GRID2: variants seen among roughly 807,000 people sequenced by gnomAD.
The protein encoded by GRID2 is glutamate ionotropic receptor delta type subunit 2, also known as glutamate receptor ionotropic, delta-2.
A neutral mutation model predicts 114.8 loss-of-function variants in GRID2; 33 were observed. That is an observed-to-expected ratio of 0.29 (90% CI 0.22 to 0.38). The LOEUF (loss-of-function observed/expected upper bound fraction) is 0.38, where lower values mean the gene tolerates loss of function less well. Among genes scored for constraint, GRID2 ranks in the 10% least tolerant of loss-of-function variants. GRID2 has a pLI of 1.00. For synonymous variants in GRID2, 505 were observed against 449.9 expected (o/e 1.12, Z -1.55); for missense variants, 1,184 against 1,257.7 (o/e 0.94, Z 0.89).
intron 13 of GRID2, among the ~76,000 whole-genome samples, chr4:93,558,558 G>A (rs1008610763): frequency 6.6e-6 from 1 of 152,034 alleles, no homozygotes; most frequent in Admixed American, 6.6e-5. Flanking sequence ...CCCTGAATAG[G>A]CCAATAGTAA....
intron 2 of GRID2, among the ~76,000 whole-genome samples, chr4:92,933,295 T>C (rs1270061885): frequency 6.6e-6 from 1 of 151,234 alleles, no homozygotes; most frequent in East Asian, 1.9e-4. Context: ...GTGTAAGATA[T>C]TAGGAGAAGT....
chr4:93,363,842 T>A (rs961214125), intron 8 of GRID2, among the ~76,000 whole-genome samples: 10 of 151,788 alleles, frequency 6.6e-5, no homozygotes, highest in Admixed American at 2.0e-4. Context: ...TAATAGAAAA[T>A]ATATGTATAT....
chr4:92,907,585 A>G (rs1251791469), intron 2 of GRID2, among the ~76,000 whole-genome samples: 1 of 151,728 alleles, frequency 6.6e-6, no homozygotes, highest in African/African-American at 2.4e-5. Context: ...CTAATTTTGT[A>G]TTTTTAGTAG....
intron 2 of GRID2, among the ~76,000 whole-genome samples, chr4:92,875,047 T>C (rs1745520623): frequency 6.6e-6 from 1 of 152,072 alleles, no homozygotes; most frequent in Admixed American, 6.6e-5. Flanking sequence ...TGGACTTTAT[T>C]AGATGTAAAT....
chr4:92,346,548 G>A (rs1388449749), intron 1 of GRID2, among the ~76,000 whole-genome samples: 2 of 151,872 alleles, frequency 1.3e-5, no homozygotes, highest in East Asian at 1.9e-4. Context: ...GTGTTTTTCT[G>A]TGGAAATGGA....
intron 9 of GRID2, among the ~76,000 whole-genome samples, chr4:93,419,519 A>G (rs1334124216): frequency 6.6e-6 from 1 of 152,086 alleles, no homozygotes; most frequent in Non-Finnish European, 1.5e-5. Context: ...GTTAGAATTT[A>G]TGAGTAATGG....
chr4:93,156,860 A>C (rs765530618), intron 4 of GRID2, among the ~76,000 whole-genome samples: 2 of 151,716 alleles, frequency 1.3e-5, no homozygotes, highest in African/African-American at 4.8e-5. Context: ...AAGATGATCC[A>C]GGAAGCAAGT....
Position 92,713,185 on chromosome 4 carries a change from A to G in GRID2, c.244+122899A>G, listed in dbSNP as rs550342165. Among the ~76,000 whole-genome samples, 39 of 149,982 alleles carry G rather than the reference A, an allele frequency of 2.6e-4. No individual in the cohort carries two copies. In the South Asian group the frequency reaches 8.2e-3, roughly 32 times the overall value. On this transcript the variant is annotated intron_variant, in intron 2 of 15. Transcript: ENST00000282020. ...CAACAGGCCCCGGTATGTGATGTTC[A>G]TAGGTGGGAATTGAACAATGACTTG...
At chr4:92,307,682 C>CA (rs1301981111) in intron 1 of GRID2, among the ~76,000 whole-genome samples, 2 of 152,004 alleles carry the variant, frequency 1.3e-5, no homozygotes, top group East Asian at 1.9e-4. Flanking sequence ...TTATTTTAGT[C>CA]AAAAATGCAC....
intron 8 of GRID2, among the ~76,000 whole-genome samples, chr4:93,335,660 T>G (rs893881112): frequency 6.6e-6 from 1 of 150,572 alleles, no homozygotes; most frequent in Non-Finnish European, 1.5e-5. Context: ...GTGTTTTGCT[T>G]CTTGTTTTTT....
intron 1 of GRID2, among the ~76,000 whole-genome samples, chr4:92,366,198 C>T (rs1014937194): frequency 1.2e-4 from 19 of 152,052 alleles, no homozygotes; most frequent in African/African-American, 4.6e-4. Flanking sequence ...TTTATATCCC[C>T]ACTATCAAGA....
At chr4:93,616,218 G>A (rs1272877129) in intron 13 of GRID2, among the ~76,000 whole-genome samples, 1 of 152,046 alleles carries the variant, frequency 6.6e-6, no homozygotes, top group Non-Finnish European at 1.5e-5. Flanking sequence ...TCATTTTGCA[G>A]GTAAGATCTT....
intron 2 of GRID2, among the ~76,000 whole-genome samples, chr4:92,957,848 C>T (rs1752520051): frequency 6.6e-6 from 1 of 151,840 alleles, no homozygotes; most frequent in Admixed American, 6.6e-5. Context: ...TTGTAGTTTT[C>T]CTCATATAGA....
chr4:92,527,849 C>T (rs1190532831), intron 1 of GRID2, among the ~76,000 whole-genome samples: 1 of 151,742 alleles, frequency 6.6e-6, no homozygotes, highest in African/African-American at 2.4e-5. Context: ...AACATTTTTC[C>T]ATTTTATGTG....
intron 10 of GRID2, among the ~76,000 whole-genome samples, chr4:93,437,356 A>G (rs146471444): frequency 0.011 from 1,647 of 152,094 alleles, 19 homozygotes; most frequent in South Asian, 0.052. Context: ...CCAGCATCCA[A>G]GTGCTTAACT....
intron 2 of GRID2, among the ~76,000 whole-genome samples, chr4:92,649,390 G>A (rs1731814862): frequency 6.6e-6 from 1 of 150,718 alleles, no homozygotes; most frequent in Admixed American, 6.6e-5. Context: ...CTAATACCAG[G>A]AGAAATGATA....
chr4:93,523,816 A>G lies in GRID2; in HGVS notation c.2193+8405A>G, dbSNP rs867052719. Among the ~76,000 whole-genome samples, 12 of 152,252 alleles carry G rather than the reference A, an allele frequency of 7.9e-5. No individual in the cohort carries two copies. The Middle Eastern group carries it at 0.01, about 129-fold the overall frequency. ...GGCTGGGAAAGATAGCAGCTGATGC[A>G]TGCTAGACTTAAGGATGAAGCAGCT... On this transcript the variant is annotated intron_variant, in intron 13 of 15. Coordinates refer to ENST00000282020, the MANE Select transcript of GRID2 (RefSeq NM_001510.4).
At position 92,691,880 on chromosome 4, in the gene GRID2, A is replaced by AAATAGTATTTGTTCCTCAACAAACACATT. The variant is rs1299424826; in HGVS notation, c.244+101595_244+101623dup. On this transcript the variant is annotated intron_variant, in intron 2 of 15. Coordinates refer to ENST00000282020, the MANE Select transcript of GRID2 (RefSeq NM_001510.4). ...TTTTATAACCATTATATTTTGAGGC[A>AAATAGTATTTGTTCCTCAACAAACACATT]AATAGTATTTGTTCCTCAACAAACA... Among the ~76,000 whole-genome samples the AAATAGTATTTGTTCCTCAACAAACACATT allele has an allele frequency of 1.4e-3, 210 of 152,320 alleles. 1 individual carries two copies. Among genetic ancestry groups the AAATAGTATTTGTTCCTCAACAAACACATT allele is most frequent in the African/African-American group, 4.9e-3 (204 of 41,562 alleles).
intron 2 of GRID2, among the ~76,000 whole-genome samples, chr4:93,022,469 A>C (rs926278383): frequency 6.6e-6 from 1 of 151,964 alleles, no homozygotes; most frequent in Non-Finnish European, 1.5e-5. Flanking sequence ...CAAGCTCGCT[A>C]TTATGAACAA....
Sources: gnomAD v4.1 joint callset for allele counts (sites outside exome capture counted in the v4.1 genomes callset) on GRCh38, gnomAD v4.1.1 for gene constraint, MANE v1.5 for transcripts, NCBI Gene and HGNC (gene_info 2026-07-23, HGNC 2026-07-21) for gene names.